TCEA2: variants seen among roughly 807,000 people sequenced by gnomAD.
TCEA2 encodes the protein transcription elongation factor A protein 2.
A neutral mutation model predicts 40.8 loss-of-function variants in TCEA2; 21 were observed. That is an observed-to-expected ratio of 0.51 (90% CI 0.36 to 0.74). The LOEUF (loss-of-function observed/expected upper bound fraction) is 0.74, where lower values mean the gene tolerates loss of function less well. Among genes scored for constraint, TCEA2 ranks in the 30% least tolerant of loss-of-function variants. The pLI, the probability that TCEA2 is intolerant of heterozygous loss-of-function variation, is 0.00. For synonymous variants in TCEA2, 165 were observed against 162.7 expected, an observed-to-expected ratio of 1.01 and a Z score of -0.11; for missense variants, 326 against 426.5, an observed-to-expected ratio of 0.76 and a Z score of 2.08.
At position 64,070,424 on chromosome 20, in the gene TCEA2, T is replaced by C. The variant is rs1172542491; in HGVS notation, c.672+10T>C. On this transcript the variant is annotated intron_variant, in intron 7 of 9. Coordinates refer to ENST00000343484, the MANE Select transcript of TCEA2 (RefSeq NM_003195.6). ...TGTGATGACCTCAGAGGTGAGCCCCTGTTGGAGGGGCTGGAGGGCTGCTCC... is the reference window on the plus strand; with the variant it reads ...TGTGATGACCTCAGAGGTGAGCCCCCGTTGGAGGGGCTGGAGGGCTGCTCC... 4 of 1,613,982 alleles carry C rather than the reference T, an allele frequency of 2.5e-6. No individual in the cohort carries two copies. The highest frequency in any genetic ancestry group is 3.4e-6 in the Non-Finnish European group (4 of 1,179,974).
In TCEA2 at chr20:64,069,769, C is replaced by T. The variant is rs778421110; in HGVS notation, c.465C>T (p.Asp155=). The T allele has an allele frequency of 5.6e-6, 9 of 1,611,352 alleles. No individual in the cohort carries two copies. Among genetic ancestry groups the T allele is most frequent in the Non-Finnish European group, 7.6e-6 (9 of 1,177,804 alleles). Residue 155 remains aspartate (D), a synonymous_variant, in exon 6 of 10, where the codon GAC becomes GAT. Coordinates refer to ENST00000343484, the MANE Select transcript of TCEA2 (RefSeq NM_003195.6). ...AGTCAGGGCTCCCTCTTGCAGATGA[C>T]CACGTGGCCATCGGTGCGGACTGCG... ...MLTAALQTDH[D]HVAIGADCER... is the part of the protein sequence containing the mutation.
upstream of TCEA2, among the ~76,000 whole-genome samples, chr20:64,061,433 G>A (rs1428398643): frequency 4.6e-5 from 7 of 152,100 alleles, no homozygotes; most frequent in Admixed American, 3.9e-4. Flanking sequence ...CCGCCACCAC[G>A]CCCGGCTAAT....
intron 8 of TCEA2, among the ~76,000 whole-genome samples, chr20:64,071,348 TAA>T (rs1250251990): frequency 2.1e-4 from 29 of 141,084 alleles, no homozygotes; most frequent in Non-Finnish European, 2.3e-4. Flanking sequence ...ACTCCGTCTT[TAA>T]AAAAAAAAAA....
chr20:64,057,400 TGGCTCCCCGTGTGTGCGA>T (rs1202470588), exon 1 of TCEA2: 1 of 152,240 alleles, frequency 6.6e-6, no homozygotes, highest in Non-Finnish European at 1.5e-5. Flanking sequence ...CAGTCCGCAG[TGGCTCCCCGTGTGTGCGA>T]GGCTCCCGCC....
In TCEA2 at chr20:64,069,504, G is replaced by C. The variant is rs773653730; in HGVS notation, c.460+13G>C. The C allele has an allele frequency of 1.2e-6, 2 of 1,610,654 alleles. No homozygotes were observed. Among genetic ancestry groups the C allele is most frequent in the East Asian group, 4.5e-5 (2 of 44,824 alleles). On this transcript the variant is annotated intron_variant, in intron 5 of 9. Coordinates refer to ENST00000343484, the MANE Select transcript of TCEA2 (RefSeq NM_003195.6). ...CTGCAGACGGACCGTGAGTGCGGCC[G>C]GCCCTGGCTCCTGACACCCGCTGTG...
At chr20:64,071,292 G>T (rs2059825821) in intron 8 of TCEA2, among the ~76,000 whole-genome samples, 1 of 151,978 alleles carries the variant, frequency 6.6e-6, no homozygotes, top group African/African-American at 2.4e-5. Flanking sequence ...AGGTTGCAGT[G>T]AGTCCAGATC....
intron 8 of TCEA2, among the ~76,000 whole-genome samples, chr20:64,071,286 T>C (rs1296822616): frequency 2.0e-5 from 3 of 151,830 alleles, no homozygotes; most frequent in African/African-American, 7.3e-5. Flanking sequence ...AGACAGAGGT[T>C]GCAGTGAGTC....
chr20:64,071,587 T>C (rs867319113), intron 8 of TCEA2, among the ~76,000 whole-genome samples: 2 of 152,146 alleles, frequency 1.3e-5, no homozygotes, highest in Non-Finnish European at 2.9e-5. Context: ...CCCCTGCTAG[T>C]TCCCCCCACC....
chr20:64,069,383 A>C lies in TCEA2; in HGVS notation c.352A>C (p.Arg118=), dbSNP rs1300781504. 1 of 1,600,946 alleles carries C rather than the reference A, an allele frequency of 6.2e-7. No individual in the cohort carries two copies. The highest frequency in any genetic ancestry group is 8.5e-7 in the Non-Finnish European group (1 of 1,173,986). The change falls in exon 5 of 10, where the codon AGG becomes CGG. Residue 118 remains arginine (R), a synonymous_variant. Transcript: ENST00000343484. ...DPSRKRPELP[R]APSTPRITTF... ...CAGCCGCAAGAGGCCGGAGCTGCCC[A>C]GGGCACCGTCGACTCCGAGGATCAC...
chr20:64,066,228 A>C (rs2059690598), intron 1 of TCEA2: 3 of 447,372 alleles, frequency 6.7e-6, no homozygotes, highest in Non-Finnish European at 1.2e-5. Flanking sequence ...GTGGGTTACA[A>C]CTTGGAATGC....
In TCEA2 at chr20:64,070,273, C is replaced by T. The variant is rs150195372; in HGVS notation, c.531C>T (p.Asp177=). Residue 177 remains aspartate (D), a synonymous_variant, in exon 7 of 10, where the codon GAC becomes GAT. Transcript: ENST00000343484. ...AAACACTTGCACGCATCTTCCGGGA[C>T]GTTGGAAACACAGACATGAAGTATA... The part of the protein sequence containing the change: ...SAQIEECIFR[D]VGNTDMKYKN... The T allele has an allele frequency of 1.3e-3, 2,130 of 1,614,176 alleles. 2 individuals carry two copies. Among genetic ancestry groups the T allele is most frequent in the Middle Eastern group, 1.8e-3 (11 of 6,062 alleles).
At chr20:64,061,096 CTT>C (rs71197441), upstream of TCEA2, among the ~76,000 whole-genome samples, 26 of 60,522 alleles carry the variant, frequency 4.3e-4, no homozygotes, top group African/African-American at 1.6e-3. Flanking sequence ...CAGCCTGAGT[CTT>C]TTTTTTTTTT....
At chr20:64,062,976 G>T (rs1355361669), upstream of TCEA2, 4 of 179,706 alleles carry the variant, frequency 2.2e-5, no homozygotes, top group Non-Finnish European at 4.6e-5. Context: ...GGAGGGGCGT[G>T]CCCGGGGCGC....
chr20:64,069,123 C>A (rs746067110), intron 4 of TCEA2, among the ~76,000 whole-genome samples: 16 of 152,376 alleles, frequency 1.1e-4, no homozygotes, highest in Non-Finnish European at 1.9e-4. Flanking sequence ...GGAGAGTACA[C>A]CCTGACCCAC....
upstream of TCEA2, among the ~76,000 whole-genome samples, chr20:64,056,549 CTGCAGGATCCCCAGCCCCCGCTCTGTGGT>C (rs2059475152): frequency 5.4e-4 from 1 of 1,848 alleles, no homozygotes; most frequent in South Asian, 0.045. Context: ...GCTCCTGGGG[CTGCAGGATCCCCAGCCCCCGCTCTGTGGT>C]TGCAGGAAGC....
chr20:64,065,450 G>A (rs2059668620), intron 1 of TCEA2: 1 of 151,964 alleles, frequency 6.6e-6, no homozygotes, highest in South Asian at 2.1e-4. Flanking sequence ...TGTTACAGAG[G>A]AGATGGGGTG....
chr20:64,069,179 A>G (rs751664343), intron 4 of TCEA2, among the ~76,000 whole-genome samples, 182 bp from the exon 5 acceptor site: 2 of 152,184 alleles, frequency 1.3e-5, no homozygotes, highest in Admixed American at 6.5e-5. Flanking sequence ...GGCACACCCC[A>G]TGGACATCTG....
upstream of TCEA2, chr20:64,063,185 G>T (rs1161885345): frequency 5.0e-6 from 4 of 801,268 alleles, no homozygotes; most frequent in Non-Finnish European, 6.7e-6. Flanking sequence ...TTTGAACCGG[G>T]GGTCTGTCGT....
At chr20:64,069,667 C>G (rs1039213228) in intron 5 of TCEA2, 98 bp from the exon 6 acceptor site, 4 of 1,543,764 alleles carry the variant, frequency 2.6e-6, no homozygotes, top group Non-Finnish European at 2.6e-6. Flanking sequence ...TTGCAGGGAC[C>G]CGGATGTGCC....
Sources: gnomAD v4.1 joint callset for allele counts (sites outside exome capture counted in the v4.1 genomes callset) on GRCh38, gnomAD v4.1.1 for gene constraint, MANE v1.5 for transcripts, NCBI Gene and HGNC (gene_info 2026-07-23, HGNC 2026-07-21) for gene names.